Variants in CUL2 observed in about 807,000 individuals in gnomAD.
The protein encoded by CUL2 is cullin 2.
Under a neutral mutation model 110.2 loss-of-function variants are expected in CUL2, and 22 were observed. That is an observed-to-expected ratio of 0.20 (90% CI 0.14 to 0.28). CUL2 has a LOEUF of 0.28. Among genes scored for constraint, CUL2 ranks in the 10% least tolerant of loss-of-function variants. The probability of loss-of-function intolerance (pLI) is 1.00; values close to 1 mark genes in which losing one functional copy is unlikely to be tolerated. For synonymous variants in CUL2, 279 were observed against 293.2 expected (o/e 0.95, Z 0.49); for missense variants, 631 against 905.5 (o/e 0.70, Z 3.89).
At chr10:35,073,998 T>C in intron 1 of CUL2, 2 of 704,344 alleles carry the variant, frequency 2.8e-6, no homozygotes, top group Non-Finnish European at 5.2e-6. Flanking sequence ...GGCATCAGGA[T>C]TCAGACCCGT....
In CUL2 at chr10:35,046,960, GAAAC is replaced by G. The variant is rs900781702; in HGVS notation, c.507-2096_507-2093del. Among the ~76,000 whole-genome samples, 11 of 152,020 alleles carry G rather than the reference GAAAC, an allele frequency of 7.2e-5. No individual in the cohort carries two copies. The South Asian group carries it at 8.3e-4, about 11-fold the overall frequency. Reference sequence around the variant, plus strand: ...AAAAACTGGGTTATTAAAAAGGAAAGAAACAAACAGTTATTTTGCTTTTCCTATA... The same window carrying G: ...AAAAACTGGGTTATTAAAAAGGAAAGAAACAGTTATTTTGCTTTTCCTATA... On this transcript the variant is annotated intron_variant, in intron 6 of 20. Coordinates refer to ENST00000374749, the MANE Select transcript of CUL2 (RefSeq NM_003591.4).
rs766070174 is a variant in CUL2, at chr10:35,011,962, T to C, written c.1992A>G (p.Glu664=). The C allele has an allele frequency of 1.3e-6, 2 of 1,576,502 alleles. No individual in the cohort carries two copies. Among genetic ancestry groups the C allele is most frequent in the African/African-American group, 2.7e-5 (2 of 73,804 alleles). ...CAACTGCACTTCTAGTCTGCTCCAT[T>C]TCCTGTTTTACAGAAGAAAAGAAAA... ...TTSMQKDTPQ[E]MEQTRSAVDE... Residue 664 remains glutamate (E), a splice_region_variant and synonymous_variant, in exon 20 of 21, where the codon GAA becomes GAG. Coordinates refer to ENST00000374749, the MANE Select transcript of CUL2 (RefSeq NM_003591.4).
intron 6 of CUL2, among the ~76,000 whole-genome samples, chr10:35,049,294 T>G (rs1588999160): frequency 6.6e-6 from 1 of 152,316 alleles, no homozygotes; most frequent in Non-Finnish European, 1.5e-5. Context: ...GCCAACTAAC[T>G]AGAAGAATGT....
At chr10:35,080,621 C>T (rs2086924734) in intron 1 of CUL2, among the ~76,000 whole-genome samples, 1 of 151,954 alleles carries the variant, frequency 6.6e-6, no homozygotes, top group East Asian at 1.9e-4. Context: ...CTGCACTGAG[C>T]TACTTTTTTG....
intron 2 of CUL2, among the ~76,000 whole-genome samples, chr10:35,070,921 A>G (rs2086660923): frequency 6.6e-6 from 1 of 151,836 alleles, no homozygotes; most frequent in Non-Finnish European, 1.5e-5. Flanking sequence ...GTCTATTTCT[A>G]TTTTTATAAT....
At chr10:35,077,284 A>G (rs1185046248) in intron 1 of CUL2, among the ~76,000 whole-genome samples, 1 of 150,504 alleles carries the variant, frequency 6.6e-6, no homozygotes. Flanking sequence ...ACAGAGCAAG[A>G]CTCCGTCTCA....
rs772003964 is a variant in CUL2, at chr10:35,054,510, T to C, written c.347A>G (p.Asn116Ser). 2 of 1,595,982 alleles carry C rather than the reference T, an allele frequency of 1.3e-6. No homozygotes were observed. The highest frequency in any genetic ancestry group is 1.7e-6 in the Non-Finnish European group (2 of 1,171,400). The change falls in exon 5 of 21, where the codon AAT (asparagine) becomes AGT (serine). Residue 116 changes from asparagine (N) to serine (S), a missense_variant. By Grantham distance (46) the Asn-to-Ser change is conservative. Coordinates refer to ENST00000374749, the MANE Select transcript of CUL2 (RefSeq NM_003591.4). ...CTGAAGGTCCGCTTCTGTTAATTTATTCTTTTTAATAAACTGGGTGTTGAG... is the reference window on the plus strand; with the variant it reads ...CTGAAGGTCCGCTTCTGTTAATTTACTCTTTTTAATAAACTGGGTGTTGAG... ...RYLNTQFIKK[N>S]KLTEADLQYG... is the part of the protein sequence containing the mutation.
intron 1 of CUL2, among the ~76,000 whole-genome samples, chr10:35,109,653 A>T (rs1186339486): frequency 6.6e-6 from 1 of 152,240 alleles, no homozygotes; most frequent in Non-Finnish European, 1.5e-5. Context: ...ATTTCCAAAC[A>T]GTGGGAGCAG....
chr10:35,080,122 C>A (rs1427090359), intron 1 of CUL2, among the ~76,000 whole-genome samples: 1 of 152,142 alleles, frequency 6.6e-6, no homozygotes, highest in East Asian at 1.9e-4. Context: ...ATAAGGGAGG[C>A]AGGGAAGTGG....
intron 8 of CUL2, among the ~76,000 whole-genome samples, chr10:35,039,495 C>A (rs1295676307): frequency 1.3e-5 from 2 of 152,158 alleles, no homozygotes; most frequent in African/African-American, 4.8e-5. Context: ...AATTATTTTA[C>A]GTTGGTTTCT....
intron 20 of CUL2, among the ~76,000 whole-genome samples, chr10:35,011,619 A>G (rs139344542): frequency 2.0e-4 from 31 of 152,244 alleles, no homozygotes; most frequent in African/African-American, 6.3e-4. Context: ...CTCTGTCTCA[A>G]CAACAACAAC....
intron 17 of CUL2, among the ~76,000 whole-genome samples, 166 bp downstream of exon 17, chr10:35,024,966 T>C (rs574358289): frequency 1.6e-4 from 24 of 152,276 alleles, no homozygotes; most frequent in Admixed American, 5.2e-4. Context: ...TAAAATACTA[T>C]GAAAAAGTGC....
At chr10:35,095,638 A>C (rs1232745100), upstream of CUL2, among the ~76,000 whole-genome samples, 1 of 152,104 alleles carries the variant, frequency 6.6e-6, no homozygotes, top group Non-Finnish European at 1.5e-5. Context: ...TGCTCACTGC[A>C]ACCTCCGCCT....
intron 1 of CUL2, among the ~76,000 whole-genome samples, chr10:35,107,709 T>C (rs1308739878): frequency 1.3e-5 from 2 of 151,246 alleles, no homozygotes; most frequent in East Asian, 2.0e-4. Context: ...GGTGAAACCC[T>C]GCCTCTACTA....
rs536031422 is a variant in CUL2, at chr10:35,049,779, C to T, written c.424-14G>A. On this transcript the variant is annotated splice_polypyrimidine_tract_variant and intron_variant, in intron 5 of 20. Transcript: ENST00000374749. The stretch of plus-strand genomic sequence containing the variant: ...ATCCAATGCTAGCTGCCGGGAAAAA[C>T]GAAAATCATCAGGGCTGAATTACTT... 4.4e-5 allele frequency: 70 copies of T among 1,587,634 alleles called. No homozygotes were observed. The highest frequency in any genetic ancestry group is 2.3e-4 in the South Asian group (21 of 89,438).
intron 1 of CUL2, among the ~76,000 whole-genome samples, chr10:35,116,686 G>T (rs1437470545): frequency 6.6e-6 from 1 of 152,102 alleles, no homozygotes; most frequent in Non-Finnish European, 1.5e-5. Flanking sequence ...AGATGCTCTG[G>T]CTGGGCATGG....
intron 17 of CUL2, among the ~76,000 whole-genome samples, chr10:35,021,800 G>A (rs1033390471): frequency 6.8e-6 from 1 of 147,426 alleles, no homozygotes; most frequent in Non-Finnish European, 1.5e-5. Flanking sequence ...GTGAGGTGGG[G>A]TGAGGAGAGG....
intron 1 of CUL2, among the ~76,000 whole-genome samples, chr10:35,116,850 G>A (rs186515327): frequency 1.3e-5 from 2 of 152,072 alleles, no homozygotes; most frequent in East Asian, 1.9e-4. Context: ...CCAGCTACCC[G>A]GGAGGCTGAG....
chr10:35,063,080 G>T lies in CUL2; in HGVS notation c.120-18C>A, dbSNP rs2086424439. 3 of 1,338,136 alleles carry T rather than the reference G, an allele frequency of 2.2e-6. No individual in the cohort carries two copies. Among genetic ancestry groups the T allele is most frequent in the Non-Finnish European group, 3.2e-6 (3 of 948,232 alleles). The allele number at this position is 1,338,136 out of a possible 1,614,324, so 82.9% of individuals were successfully genotyped here. On this transcript the variant is annotated intron_variant, in intron 2 of 20. Transcript: ENST00000374749. ...AGATATCTCTAGTTAAATTATTAAG[G>T]TTTTCATATTTATTGGAGACAATTT...
Sources: gnomAD v4.1 joint callset for allele counts (sites outside exome capture counted in the v4.1 genomes callset) on GRCh38, gnomAD v4.1.1 for gene constraint, MANE v1.5 for transcripts, NCBI Gene and HGNC (gene_info 2026-07-23, HGNC 2026-07-21) for gene names.